Variants in FHOD1 observed in about 807,000 individuals in gnomAD.
FHOD1 encodes the protein formin homology 2 domain containing 1, also known as FH1/FH2 domain-containing protein 1.
FHOD1 carries 89 observed loss-of-function variants against 111.6 expected under a neutral mutation model. The ratio of observed to expected loss-of-function variants is 0.80; its 90% CI spans 0.67 to 0.95. FHOD1 has a LOEUF of 0.95. Among genes scored for constraint, FHOD1 ranks in the 40% least tolerant of loss-of-function variants. The pLI, the probability that FHOD1 is intolerant of heterozygous loss-of-function variation, is 0.00. For missense variants in FHOD1, 1,446 were observed against 1,554.2 expected (o/e 0.93, Z 1.17); for synonymous variants, 618 against 639.0 (o/e 0.97, Z 0.50).
Position 67,237,492 on chromosome 16 carries a change from C to T in FHOD1, c.832G>A (p.Val278Ile). Residue 278 changes from valine to isoleucine, a missense_variant, in exon 8 of 22, where the codon GTC becomes ATC. By Grantham distance (29) the Val-to-Ile change is conservative. This residue lies in a region of FHOD1 where 234 missense variants were observed against 327.4 expected (regional missense o/e 0.71). Transcript: ENST00000258201. This position sits in a 1 kb window ranked among gnomAD's most constrained non-coding sequence, Gnocchi z 5.6. ...GADPELLVYTVTLINKTLAAL... is the reference protein window; with the variant it reads ...GADPELLVYTITLINKTLAAL... ...GGCCACACCTTGTTGATGAGGGTGA[C>T]CGTGTACACCAACAACTCAGGGTCA... 1.2e-6 allele frequency: 2 copies of T among 1,614,152 alleles called. No individual in the cohort carries two copies. Among genetic ancestry groups the T allele is most frequent in the Non-Finnish European group, 1.7e-6 (2 of 1,180,028 alleles).
chr16:67,237,336 T>G lies in FHOD1; in HGVS notation c.896A>C (p.Asp299Ala). Reference protein sequence around the residue: ...PDQDSFYDVTDALEQQGMEAL... With the variant: ...PDQDSFYDVTAALEQQGMEAL... ...TTCCATGCCCTGCTGCTCCAGTGCATCCGTCACATCGTAGAAGGAGTCCTG... is the reference window on the plus strand; with the variant it reads ...TTCCATGCCCTGCTGCTCCAGTGCAGCCGTCACATCGTAGAAGGAGTCCTG... The change falls in exon 9 of 22, where the codon GAT (aspartate) becomes GCT (alanine). Residue 299 changes from aspartate (D) to alanine (A), a missense_variant. Asp to Ala is a moderately radical substitution (Grantham distance 126, BLOSUM62 -2). Transcript: ENST00000258201. This position sits in a 1 kb window ranked among gnomAD's most constrained non-coding sequence, Gnocchi z 5.6. 1 of 1,614,092 alleles carries G rather than the reference T, an allele frequency of 6.2e-7. No individual in the cohort carries two copies. Among genetic ancestry groups the G allele is most frequent in the Non-Finnish European group, 8.5e-7 (1 of 1,180,014 alleles).
At position 67,229,912 on chromosome 16, in the gene FHOD1, C is replaced by G; in HGVS notation, c.3293G>C (p.Ser1098Thr). The change falls in exon 21 of 22, where the codon AGT (serine) becomes ACT (threonine). Residue 1098 changes from serine to threonine, a missense_variant. By Grantham distance (58) the Ser-to-Thr change is moderately conservative. Coordinates refer to ENST00000258201, the MANE Select transcript of FHOD1 (RefSeq NM_013241.3). ...TASPEEPPGS[S>T]LPSDTSDEIM... ...CTCATCTGATGTATCACTGGGTAAA[C>G]TGGAGCCTGGGGGTTCTTCTGGGGA... 6.2e-7 allele frequency: 1 copy of G among 1,614,226 alleles called. No homozygotes were observed. The highest frequency in any genetic ancestry group is 8.5e-7 in the Non-Finnish European group (1 of 1,180,028).
rs111700824 is a variant in FHOD1 at position 67,243,368 on chromosome 16, C to CT, written c.201+3841dup. 5.7e-3 allele frequency among the ~76,000 whole-genome samples: 870 copies of CT among 151,542 alleles called. 13 individuals are homozygous for CT. The highest frequency in any genetic ancestry group is 0.02 in the African/African-American group (812 of 41,302). ...CTCTGTGCCAGGCACCGGACTGCCT[C>CT]TTTTTTTTCTTTTCTTTTTTTTTTT... On this transcript the variant is annotated intron_variant, in intron 1 of 21. Transcript: ENST00000258201.
rs759835715 is a variant in FHOD1, at chr16:67,230,433, G to C, written c.2932C>G (p.His978Asp). Residue 978 changes from histidine (H) to aspartate (D), a missense_variant, in exon 19 of 22, where the codon CAC (histidine) becomes GAC (aspartate). By Grantham distance (81) the His-to-Asp change is moderately conservative (BLOSUM62 -1). This residue lies in a region of FHOD1 where 1,085 missense variants were observed against 1,108.8 expected (regional missense o/e 0.98). Coordinates refer to ENST00000258201, the MANE Select transcript of FHOD1 (RefSeq NM_013241.3). ...AREVRIMQFC[H>D]TLREFALEYR... ...TCAAGCGCAAATTCCCGCAGCGTGT[G>C]GCAGAACTGCATGATGCGCACTTCA... is the stretch of plus-strand genomic sequence containing the variant. 1.2e-6 allele frequency: 2 copies of C among 1,614,240 alleles called. No homozygotes were observed. The highest frequency in any genetic ancestry group is 1.7e-6 in the Non-Finnish European group (2 of 1,180,042).
Position 67,234,390 on chromosome 16 carries a change from C to G in FHOD1, c.1402G>C (p.Gly468Arg). ...LAQGRAETLA[G>R]AMPNEAGGHP... ...CCACCCGCCTCATTGGGCATGGCCC[C>G]GGCAAGTGTCTCTGCCCGGCCCTGG... The change falls in exon 12 of 22, where the codon GGG becomes CGG. Residue 468 changes from glycine (G) to arginine (R), a missense_variant. Physicochemically the swap from Gly to Arg is moderately radical, Grantham distance 125 (BLOSUM62 -2). Coordinates refer to ENST00000258201, the MANE Select transcript of FHOD1 (RefSeq NM_013241.3). 6.2e-7 allele frequency: 1 copy of G among 1,610,488 alleles called. No individual in the cohort carries two copies. Among genetic ancestry groups the G allele is most frequent in the Non-Finnish European group, 8.5e-7 (1 of 1,179,604 alleles).
At chr16:67,235,052 C>A (rs1458104169) in intron 11 of FHOD1, among the ~76,000 whole-genome samples, 1 of 152,116 alleles carries the variant, frequency 6.6e-6, no homozygotes, top group Non-Finnish European at 1.5e-5. Context: ...GAATGATGCA[C>A]CCAGCCAAAT....
Position 67,230,765 on chromosome 16 carries a change from G to A in FHOD1, c.2694C>T (p.Asn898=). The A allele has an allele frequency of 6.2e-7, 1 of 1,604,582 alleles. No individual in the cohort carries two copies. Residue 898 remains asparagine, a synonymous_variant, in exon 18 of 22, where the codon AAC becomes AAT. Coordinates refer to ENST00000258201, the MANE Select transcript of FHOD1 (RefSeq NM_013241.3). The stretch of plus-strand genomic sequence containing the variant: ...GGCTCCGGCGCTCCAGCTGCCCCAG[G>A]TTCTCAGTCAGCTGTTCAAAGTCCA... The part of the protein sequence containing the change: ...AKVDFEQLTE[N]LGQLERRSRA...
chr16:67,243,308 G>A (rs2034718226), intron 1 of FHOD1, among the ~76,000 whole-genome samples: 1 of 151,964 alleles, frequency 6.6e-6, no homozygotes, highest in Admixed American at 6.5e-5. Context: ...GATGGGCCTT[G>A]GGGAGGGAAA....
In FHOD1 at chr16:67,229,991, C is replaced by G; in HGVS notation, c.3215-1G>C. On this transcript the variant is annotated splice_acceptor_variant, in intron 20 of 21. Coordinates refer to ENST00000258201, the MANE Select transcript of FHOD1 (RefSeq NM_013241.3). LOFTEE classifies it high-confidence loss of function. ...ATTGGGGAGCTGCTCTGGACCATGC[C>G]TGAGGAAGGCCAGATAGCAAAGTCA... The G allele has an allele frequency of 2.5e-6, 4 of 1,613,706 alleles. No individual in the cohort carries two copies. Among genetic ancestry groups the G allele is most frequent in the Non-Finnish European group, 3.4e-6 (4 of 1,179,642 alleles).
intron 1 of FHOD1, among the ~76,000 whole-genome samples, chr16:67,245,002 T>C: frequency 6.6e-6 from 1 of 152,208 alleles, no homozygotes; most frequent in East Asian, 1.9e-4. Flanking sequence ...CTCAGCTCTC[T>C]GATGTCCCTG....
At chr16:67,232,518 CAAAAA>C (rs988902359) in intron 13 of FHOD1, among the ~76,000 whole-genome samples, 22 of 48,626 alleles carry the variant, frequency 4.5e-4, no homozygotes, top group African/African-American at 1.6e-3. Flanking sequence ...GACTCTGTCT[CAAAAA>C]AAAAAAAAAA....
At position 67,233,581 on chromosome 16, in the gene FHOD1, C is replaced by T. The variant is rs183869020; in HGVS notation, c.2046+76G>A. ...CCCCATGTGGGAAGTGAGTGACTAG[C>T]TCCAACAGGTCAGATCCTTAAGCTC... On this transcript the variant is annotated intron_variant, in intron 13 of 21. Transcript: ENST00000258201. The T allele has an allele frequency of 3.3e-5, 49 of 1,490,664 alleles. No homozygotes were observed. The East Asian group carries it at 1.1e-3, about 33-fold the overall frequency. The allele number at this position is 1,490,664 out of a possible 1,614,324, so 92.3% of individuals were successfully genotyped here.
rs1395256688 is a variant in FHOD1 at position 67,230,110 on chromosome 16, A to G, written c.3170T>C (p.Leu1057Pro). 6.2e-7 allele frequency: 1 copy of G among 1,614,096 alleles called. No homozygotes were observed. Among genetic ancestry groups the G allele is most frequent in the Non-Finnish European group, 8.5e-7 (1 of 1,180,036 alleles). ...TGTGGTGTCCTCAGGCCTGCTGGTC[A>G]GCAGACTCTTCATACTAGCATGACT... ...ADSHASMKSL[L>P]TSRPEDTTHN... The change falls in exon 20 of 22, where the codon CTG becomes CCG. Residue 1057 changes from leucine (L) to proline (P), a missense_variant. Coordinates refer to ENST00000258201, the MANE Select transcript of FHOD1 (RefSeq NM_013241.3).
intron 1 of FHOD1, among the ~76,000 whole-genome samples, chr16:67,246,020 G>A (rs1389142804): frequency 6.6e-6 from 1 of 152,230 alleles, no homozygotes; most frequent in Non-Finnish European, 1.5e-5. Context: ...GTCAAAACTG[G>A]CGGTGAGCAG....
chr16:67,237,037 A>G lies in FHOD1; in HGVS notation c.1071T>C (p.Ser357=). 1 of 1,613,270 alleles carries G rather than the reference A, an allele frequency of 6.2e-7. No individual in the cohort carries two copies. The change falls in exon 10 of 22, where the codon TCT becomes TCC. Residue 357 remains serine (S), a synonymous_variant. Coordinates refer to ENST00000258201, the MANE Select transcript of FHOD1 (RefSeq NM_013241.3). The surrounding 1 kb of genome is among the most constrained non-coding windows in gnomAD (Gnocchi z 5.6). ...GGCGGCTCCTCTTGCCCTCCTCAGAAGAAGGCTTTCGTCGTTCCCGCCGCC... is the reference window on the plus strand; with the variant it reads ...GGCGGCTCCTCTTGCCCTCCTCAGAGGAAGGCTTTCGTCGTTCCCGCCGCC... ...AGGRRERRKP[S]SEEGKRSRRS...
chr16:67,239,103 A>G, intron 2 of FHOD1, 136 bp from the exon 3 acceptor site: 1 of 880,936 alleles, frequency 1.1e-6, no homozygotes, highest in Non-Finnish European at 1.8e-6. Context: ...CAAGAACCCA[A>G]GGGTTGGTCG....
chr16:67,230,413 C>T lies in FHOD1; in HGVS notation c.2952G>A (p.Ala984=), dbSNP rs781469513. The T allele has an allele frequency of 4.2e-5, 68 of 1,614,120 alleles. No homozygotes were observed. The highest frequency in any genetic ancestry group is 1.6e-4 in the Middle Eastern group (1 of 6,084). Residue 984 remains alanine (A), a synonymous_variant, in exon 19 of 22, where the codon GCG becomes GCA. Coordinates refer to ENST00000258201, the MANE Select transcript of FHOD1 (RefSeq NM_013241.3). ...MQFCHTLREF[A]LEYRTCRERV... is the part of the protein sequence containing the mutation. The stretch of plus-strand genomic sequence containing the variant: ...GTTCCCGGCAAGTCCGATACTCAAG[C>T]GCAAATTCCCGCAGCGTGTGGCAGA...
chr16:67,235,522 T>C (rs2034443787), intron 11 of FHOD1, among the ~76,000 whole-genome samples: 1 of 144,730 alleles, frequency 6.9e-6, no homozygotes, highest in South Asian at 2.2e-4. Context: ...CGAGCAAGAC[T>C]CTGTCTCAAA....
At chr16:67,246,061 A>C (rs2034812906) in intron 1 of FHOD1, among the ~76,000 whole-genome samples, 1 of 152,228 alleles carries the variant, frequency 6.6e-6, no homozygotes, top group African/African-American at 2.4e-5. Context: ...ATGGCCTTGA[A>C]GCCGGGGTTC....
Sources: allele counts gnomAD v4.1 joint callset (sites outside exome capture counted in the v4.1 genomes callset), GRCh38; gene constraint gnomAD v4.1.1; regional missense constraint gnomAD v4.1.1; non-coding constraint Gnocchi (gnomAD v3.1); transcripts MANE v1.5; gene names NCBI Gene and HGNC (gene_info 2026-07-23, HGNC 2026-07-21).